Variants in TENM4 observed in about 807,000 individuals in gnomAD.
TENM4 encodes teneurin transmembrane protein 4.
TENM4 carries 82 observed loss-of-function variants against 243.3 expected under a neutral mutation model. That is an observed-to-expected ratio of 0.34 (90% CI 0.28 to 0.40). The LOEUF (loss-of-function observed/expected upper bound fraction) is 0.40. Among genes scored for constraint, TENM4 ranks in the 10% least tolerant of loss-of-function variants. TENM4 has a pLI of 1.00. For missense variants in TENM4, 3,138 were observed against 3,673.3 expected, an observed-to-expected ratio of 0.85 and a Z score of 3.77; for synonymous variants, 1,412 against 1,456.3, an observed-to-expected ratio of 0.97 and a Z score of 0.69.
At chr11:79,083,567 C>T (rs66664813) in intron 4 of TENM4, among the ~76,000 whole-genome samples, 17,215 of 152,188 alleles carry the variant, frequency 0.11, 1,078 homozygotes, top group Middle Eastern at 0.24. Flanking sequence ...TTTGAGCTCC[C>T]GTGACAGGGA....
In TENM4 at chr11:78,669,227, G is replaced by T. The variant is rs1225894670; in HGVS notation, c.7118C>A (p.Thr2373Lys). 4 of 1,613,810 alleles carry T rather than the reference G, an allele frequency of 2.5e-6. No individual in the cohort carries two copies. Among genetic ancestry groups the T allele is most frequent in the East Asian group, 4.5e-5 (2 of 44,890 alleles). The change falls in exon 32 of 34, where the codon ACA (threonine) becomes AAA (lysine). Residue 2373 changes from threonine to lysine, a missense_variant. By Grantham distance (78) the Thr-to-Lys change is moderately conservative. Transcript: ENST00000278550. This position sits in a 1 kb window ranked among gnomAD's most constrained non-coding sequence, Gnocchi z 6.4. ...CAGGATTTGCTTGATCATCAAACCT[G>T]TTCCACTAAAGACAGCAAGAGGGGT... Reference protein sequence around the residue: ...IGTPLAVFSGTGLMIKQILYT... With the variant: ...IGTPLAVFSGKGLMIKQILYT...
chr11:79,117,003 A>G lies in TENM4; in HGVS notation c.-66+31707T>C, dbSNP rs147839786. On this transcript the variant is annotated intron_variant, in intron 4 of 33. Coordinates refer to ENST00000278550, the MANE Select transcript of TENM4 (RefSeq NM_001098816.3). ...TTCAGTTATTCAAGTTGCCTGTGTC[A>G]TTCTTACCACAGCTACTATCACCAT... is the stretch of plus-strand genomic sequence containing the variant. 5.7e-3 allele frequency among the ~76,000 whole-genome samples: 868 copies of G among 152,318 alleles called. 11 individuals carry two copies. The highest frequency in any genetic ancestry group is 0.02 in the African/African-American group (821 of 41,574).
At chr11:79,401,662 C>A (rs996516818) in intron 1 of TENM4, among the ~76,000 whole-genome samples, 1 of 152,216 alleles carries the variant, frequency 6.6e-6, no homozygotes, top group Non-Finnish European at 1.5e-5. Flanking sequence ...TTCATCATGT[C>A]TATACATTTG....
At chr11:79,261,902 G>T (rs1855805420) in intron 2 of TENM4, among the ~76,000 whole-genome samples, 1 of 152,182 alleles carries the variant, frequency 6.6e-6, no homozygotes, top group Admixed American at 6.5e-5. Flanking sequence ...ACCTCTGGAT[G>T]GATGAAAGCA....
At chr11:79,161,559 G>A (rs1173954325) in intron 3 of TENM4, among the ~76,000 whole-genome samples, 3 of 152,150 alleles carry the variant, frequency 2.0e-5, no homozygotes, top group Admixed American at 1.3e-4. Flanking sequence ...AGTGATGTGT[G>A]TCCCCAGGCC....
intron 1 of TENM4, among the ~76,000 whole-genome samples, chr11:79,394,055 C>G (rs1470034172): frequency 6.6e-6 from 1 of 152,192 alleles, no homozygotes; most frequent in African/African-American, 2.4e-5. Flanking sequence ...CTCCCCGCAG[C>G]TTGGAATGAG....
rs72941768 is a variant in TENM4, at chr11:78,873,791, A to G, written c.1085-10659T>C. Reference sequence around the variant, plus strand: ...AAATGTGTGTTGAACACAATATTCAATGGTCTACGCTACTTCTGCCTGCTC... The same window carrying G: ...AAATGTGTGTTGAACACAATATTCAGTGGTCTACGCTACTTCTGCCTGCTC... On this transcript the variant is annotated intron_variant, in intron 9 of 33. Coordinates refer to ENST00000278550, the MANE Select transcript of TENM4 (RefSeq NM_001098816.3). Among the ~76,000 whole-genome samples the G allele has an allele frequency of 6.5e-3, 986 of 152,226 alleles. 4 individuals are homozygous for G. Among genetic ancestry groups the G allele is most frequent in the Middle Eastern group, 0.01 (3 of 294 alleles).
intron 1 of TENM4, among the ~76,000 whole-genome samples, chr11:79,425,438 C>A (rs1859028330): frequency 6.6e-6 from 1 of 152,198 alleles, no homozygotes; most frequent in Non-Finnish European, 1.5e-5. Flanking sequence ...ATCTCAGTGT[C>A]TGGAGCCTTT....
At chr11:79,386,982 C>T (rs540264228) in intron 1 of TENM4, among the ~76,000 whole-genome samples, 1 of 152,178 alleles carries the variant, frequency 6.6e-6, no homozygotes, top group South Asian at 2.1e-4. Flanking sequence ...GTAACAGCCC[C>T]AAACTAGAAA....
At chr11:79,135,757 GT>G (rs1370003685) in intron 4 of TENM4, among the ~76,000 whole-genome samples, 1 of 127,158 alleles carries the variant, frequency 7.9e-6, no homozygotes. Context: ...ATACATATAT[GT>G]ATATATCATA....
At chr11:78,725,670 T>C (rs961197919) in intron 23 of TENM4, among the ~76,000 whole-genome samples, 2 of 152,236 alleles carry the variant, frequency 1.3e-5, no homozygotes, top group Non-Finnish European at 2.9e-5. Flanking sequence ...CCCTACTTGA[T>C]ACACAGGGCT....
At chr11:79,102,469 C>T (rs1417871065) in intron 4 of TENM4, among the ~76,000 whole-genome samples, 1 of 152,214 alleles carries the variant, frequency 6.6e-6, no homozygotes, top group Non-Finnish European at 1.5e-5. Context: ...GAGAAGCCAG[C>T]GCTGAGCTAG....
intron 3 of TENM4, among the ~76,000 whole-genome samples, chr11:79,170,514 G>A (rs1239942815): frequency 6.6e-6 from 1 of 152,164 alleles, no homozygotes; most frequent in Non-Finnish European, 1.5e-5. Context: ...CTGAAGTAGG[G>A]CAGGCCCCTA....
intron 2 of TENM4, among the ~76,000 whole-genome samples, chr11:79,290,549 C>G (rs530415222): frequency 6.6e-6 from 1 of 151,690 alleles, no homozygotes; most frequent in South Asian, 2.1e-4. Context: ...ATGGAAGTGG[C>G]TTGGGAACTC....
rs544196671 is a variant in TENM4 at position 79,370,779 on chromosome 11, TAAAAAAAAA to T, written c.-321+69721_-321+69729del. ...ACTCCTAAAGGCACAACTCCTATGG[TAAAAAAAAA>T]AAAAAAAAAAAAAAAAAAAAAGTGA... On this transcript the variant is annotated intron_variant, in intron 1 of 33. Transcript: ENST00000278550. Among the ~76,000 whole-genome samples, 84 of 57,168 alleles carry T rather than the reference TAAAAAAAAA, an allele frequency of 1.5e-3. 1 individual carries two copies. The highest frequency in any genetic ancestry group is 0.014 in the South Asian group (11 of 778). 37.5% of individuals were successfully genotyped at this position (57,168 alleles called of 152,430 possible). A position where few individuals can be genotyped will look rare whatever the true frequency, so the allele number is the denominator to read the frequency against.
At chr11:78,845,923 G>A (rs1002073400) in intron 12 of TENM4, among the ~76,000 whole-genome samples, 5 of 152,216 alleles carry the variant, frequency 3.3e-5, no homozygotes, top group African/African-American at 1.2e-4. Context: ...CCAGGTTAGA[G>A]ATGTTCTATA....
intron 12 of TENM4, among the ~76,000 whole-genome samples, chr11:78,845,640 C>T (rs765430077): frequency 2.0e-5 from 3 of 152,094 alleles, no homozygotes; most frequent in Non-Finnish European, 2.9e-5. Context: ...TTAATTATGT[C>T]CCACATATCA....
intron 2 of TENM4, among the ~76,000 whole-genome samples, chr11:79,282,350 C>A (rs1381628783): frequency 6.6e-6 from 1 of 152,068 alleles, no homozygotes; most frequent in Non-Finnish European, 1.5e-5. Context: ...TACTCCAGGG[C>A]CTGGCACAGG....
intron 18 of TENM4, among the ~76,000 whole-genome samples, chr11:78,757,938 T>C (rs1329211178): frequency 6.6e-6 from 1 of 152,218 alleles, no homozygotes; most frequent in East Asian, 1.9e-4. Context: ...GGAACTTGTA[T>C]TACAGCTCTA....
Sources: allele counts gnomAD v4.1 joint callset (sites outside exome capture counted in the v4.1 genomes callset), GRCh38; gene constraint gnomAD v4.1.1; non-coding constraint Gnocchi (gnomAD v3.1); transcripts MANE v1.5; gene names NCBI Gene and HGNC (gene_info 2026-07-23, HGNC 2026-07-21).